STK4: variants seen among roughly 807,000 people sequenced by gnomAD.
STK4 encodes serine/threonine-protein kinase 4.
Under a neutral mutation model 64.9 loss-of-function variants are expected in STK4, and 30 were observed. The ratio of observed to expected loss-of-function variants is 0.46; its 90% CI spans 0.35 to 0.63. The LOEUF (loss-of-function observed/expected upper bound fraction) is 0.63. Ranked by LOEUF, STK4 falls within the 20% of genes least tolerant of loss-of-function variation. The pLI, the probability that STK4 is intolerant of heterozygous loss-of-function variation, is 0.01. For missense variants in STK4, 466 were observed against 598.5 expected (o/e 0.78, Z 2.31); for synonymous variants, 177 against 199.0 (o/e 0.89, Z 0.93).
At chr20:44,968,694 C>G (rs2067195360) in intron 1 of STK4, among the ~76,000 whole-genome samples, 2 of 152,194 alleles carry the variant, frequency 1.3e-5, no homozygotes, top group African/African-American at 4.8e-5. Flanking sequence ...GAGCAAAGGA[C>G]TAAAGTTTCT....
At chr20:44,975,541 G>A (rs147234934) in intron 2 of STK4, 2 of 218,674 alleles carry the variant, frequency 9.1e-6, no homozygotes. Flanking sequence ...GGATAGGAAA[G>A]AAATCTAAAT....
intron 10 of STK4, among the ~76,000 whole-genome samples, chr20:45,049,236 C>A (rs1433648219): frequency 2.6e-5 from 4 of 152,146 alleles, no homozygotes; most frequent in Non-Finnish European, 5.9e-5. Context: ...CCACTAGTCA[C>A]TTCCATTTGC....
chr20:45,058,377 C>T (rs778698924), intron 10 of STK4, among the ~76,000 whole-genome samples: 22 of 152,256 alleles, frequency 1.4e-4, no homozygotes, highest in East Asian at 5.8e-4. Context: ...ATCTTTTCCA[C>T]GCTAAGAAAT....
At chr20:45,037,162 C>A (rs1299959779) in intron 10 of STK4, among the ~76,000 whole-genome samples, 1 of 151,998 alleles carries the variant, frequency 6.6e-6, no homozygotes, top group Non-Finnish European at 1.5e-5. Flanking sequence ...AAAGAGAGAG[C>A]AAGAACCCCA....
chr20:44,969,585 G>A (rs1056139341), intron 1 of STK4, among the ~76,000 whole-genome samples: 3 of 150,402 alleles, frequency 2.0e-5, no homozygotes, highest in African/African-American at 7.5e-5. Flanking sequence ...GTTGCCATTA[G>A]ATTAATGTTA....
chr20:45,038,478 T>C (rs2068562107), intron 10 of STK4, among the ~76,000 whole-genome samples: 1 of 152,228 alleles, frequency 6.6e-6, no homozygotes, highest in South Asian at 2.1e-4. Flanking sequence ...TTGGTTGATA[T>C]GTCTCTTAAG....
intron 10 of STK4, among the ~76,000 whole-genome samples, chr20:45,073,200 T>A (rs1403785939): frequency 6.6e-6 from 1 of 152,088 alleles, no homozygotes; most frequent in African/African-American, 2.4e-5. Flanking sequence ...ATTAGGGGTG[T>A]CCTTGGGCCA....
chr20:45,035,399 A>G (rs1314523305), intron 10 of STK4, among the ~76,000 whole-genome samples: 1 of 152,192 alleles, frequency 6.6e-6, no homozygotes, highest in Admixed American at 6.5e-5. Flanking sequence ...GGTTATATAT[A>G]TACAGATTAA....
chr20:44,997,390 T>C, intron 7 of STK4, 84 bp downstream of exon 7: 2 of 1,501,432 alleles, frequency 1.3e-6, no homozygotes, highest in East Asian at 2.3e-5. Context: ...TACGTGGAGA[T>C]AGTAAAGAAG....
intron 5 of STK4, among the ~76,000 whole-genome samples, chr20:44,992,680 G>T (rs1464601649): frequency 1.4e-5 from 2 of 147,790 alleles, no homozygotes; most frequent in African/African-American, 5.0e-5. Flanking sequence ...CTAATGTACT[G>T]TTTTTTTTTT....
At chr20:44,986,500 G>T (rs2145663858) in intron 4 of STK4, among the ~76,000 whole-genome samples, 1 of 151,992 alleles carries the variant, frequency 6.6e-6, no homozygotes, top group Admixed American at 6.5e-5. Flanking sequence ...GTAAAGCCTT[G>T]GTAAGGACTG....
intron 9 of STK4, among the ~76,000 whole-genome samples, chr20:45,007,153 A>G (rs916086958): frequency 2.0e-5 from 3 of 152,150 alleles, no homozygotes; most frequent in South Asian, 2.1e-4. Flanking sequence ...GTCTACAGAG[A>G]TGATGTTTCT....
At chr20:45,066,891 G>A (rs1208182761) in intron 10 of STK4, among the ~76,000 whole-genome samples, 1 of 152,040 alleles carries the variant, frequency 6.6e-6, no homozygotes, top group Non-Finnish European at 1.5e-5. Flanking sequence ...TAATGGTGTG[G>A]TACTTACTTA....
intron 1 of STK4, 105 bp downstream of exon 1, chr20:44,966,708 C>G (rs2067156374): frequency 8.3e-7 from 1 of 1,207,752 alleles, no homozygotes; most frequent in African/African-American, 1.6e-5. Context: ...GCTAAGCGAC[C>G]CAGCCGATGG....
intron 1 of STK4, 115 bp from the exon 2 acceptor site, chr20:44,971,963 A>T: frequency 1.1e-6 from 1 of 941,216 alleles, no homozygotes; most frequent in Non-Finnish European, 1.6e-6. Flanking sequence ...AGTCTTAACT[A>T]GTGAAGTCTG....
intron 2 of STK4, chr20:44,973,519 C>G (rs2067287792): frequency 6.6e-6 from 1 of 152,210 alleles, no homozygotes; most frequent in African/African-American, 2.4e-5. Context: ...CCTAAGGCAG[C>G]AAGGCTGTGA....
At chr20:45,011,776 G>C (rs1377484858) in intron 9 of STK4, among the ~76,000 whole-genome samples, 1 of 134,074 alleles carries the variant, frequency 7.5e-6, no homozygotes, top group African/African-American at 2.8e-5. Context: ...CAGGACTAAG[G>C]CTTATGTTAC....
At chr20:45,072,575 A>T (rs1980160797) in intron 10 of STK4, among the ~76,000 whole-genome samples, 1 of 152,230 alleles carries the variant, frequency 6.6e-6, no homozygotes, top group Non-Finnish European at 1.5e-5. Flanking sequence ...TGTTTTCATT[A>T]AAGTAGCCTA....
intron 2 of STK4, among the ~76,000 whole-genome samples, chr20:44,977,210 A>T (rs55675747): frequency 0.026 from 3,912 of 152,318 alleles, 178 homozygotes; most frequent in African/African-American, 0.086. Context: ...ATATTTAAGG[A>T]TGATTATGCT....
Sources: gnomAD v4.1 joint callset for allele counts (sites outside exome capture counted in the v4.1 genomes callset) on GRCh38, gnomAD v4.1.1 for gene constraint, MANE v1.5 for transcripts, NCBI Gene and HGNC (gene_info 2026-07-23, HGNC 2026-07-21) for gene names.